Variants in LYRM4 observed in about 807,000 individuals in gnomAD.
LYRM4 encodes LYR motif-containing protein 4.
Under a neutral mutation model 11.7 loss-of-function variants are expected in LYRM4, and 9 were observed. The ratio of observed to expected loss-of-function variants is 0.77; its 90% CI spans 0.46 to 1.34. LYRM4 has a LOEUF of 1.34. Among genes scored for constraint, LYRM4 ranks in the 40% most tolerant of loss-of-function variants. LYRM4 has a pLI of 0.00. For missense variants in LYRM4, 133 were observed against 112.5 expected (o/e 1.18, Z -0.82); for synonymous variants, 42 against 40.4 (o/e 1.04, Z -0.15).
intron 2 of LYRM4, among the ~76,000 whole-genome samples, chr6:5,160,657 C>A (rs552672991): frequency 2.0e-5 from 3 of 151,952 alleles, no homozygotes; most frequent in East Asian, 1.9e-4. Context: ...ATGAGACCCC[C>A]CCCCCAGCAA....
At position 5,248,259 on chromosome 6, in the gene LYRM4, A is replaced by T. The variant is rs78121761; in HGVS notation, c.86+12389T>A. Among the ~76,000 whole-genome samples the T allele has an allele frequency of 2.6e-3, 401 of 152,384 alleles. 1 individual carries two copies. Among genetic ancestry groups the T allele is most frequent in the African/African-American group, 9.1e-3 (380 of 41,592 alleles). ...CTGTTTATCAACATACCTCAAAGCC[A>T]GTCCCCTTCTCCCTGTGCTGTCACA... On this transcript the variant is annotated intron_variant, in intron 1 of 2. Coordinates refer to ENST00000330636, the MANE Select transcript of LYRM4 (RefSeq NM_020408.6).
At chr6:5,044,429 C>T in the LYRM4 span, among the ~76,000 whole-genome samples, 1 of 152,188 alleles carries the variant, frequency 6.6e-6, no homozygotes, top group Non-Finnish European at 1.5e-5. Flanking sequence ...CCATGCCCGG[C>T]TGACACACTG....
the LYRM4 span, among the ~76,000 whole-genome samples, chr6:5,079,072 C>T: frequency 1.3e-4 from 20 of 152,142 alleles, no homozygotes; most frequent in Admixed American, 1.1e-3. Flanking sequence ...GAAAAGCACA[C>T]AAATTTTACT....
chr6:5,034,674 C>T, the LYRM4 span: 1 of 154,492 alleles, frequency 6.5e-6, no homozygotes, highest in Non-Finnish European at 1.4e-5. Context: ...ACCATGCTTC[C>T]TGTACAGCCT....
At chr6:5,250,945 C>G (rs1262184489) in intron 1 of LYRM4, among the ~76,000 whole-genome samples, 1 of 152,152 alleles carries the variant, frequency 6.6e-6, no homozygotes, top group Non-Finnish European at 1.5e-5. Flanking sequence ...TTCTGTAATA[C>G]GATATATGAC....
chr6:5,095,941 C>A, the LYRM4 span, among the ~76,000 whole-genome samples: 1 of 152,152 alleles, frequency 6.6e-6, no homozygotes, highest in South Asian at 2.1e-4. Context: ...GATCGCACAA[C>A]TGCACTACAG....
the LYRM4 span, among the ~76,000 whole-genome samples, chr6:5,094,418 A>T: frequency 6.6e-6 from 1 of 152,238 alleles, no homozygotes; most frequent in African/African-American, 2.4e-5. Flanking sequence ...AAGGACTTTG[A>T]GGCTGCAGTG....
chr6:5,141,105 A>G (rs917261094), intron 2 of LYRM4, among the ~76,000 whole-genome samples: 1 of 152,252 alleles, frequency 6.6e-6, no homozygotes, highest in Admixed American at 6.5e-5. Context: ...ACAAAAGTTG[A>G]GCATTTATCA....
the LYRM4 span, among the ~76,000 whole-genome samples, chr6:5,074,986 T>G: frequency 6.6e-6 from 1 of 152,140 alleles, no homozygotes; most frequent in Non-Finnish European, 1.5e-5. Context: ...GTCCTCCCAA[T>G]AGGGAGTGAA....
intron 1 of LYRM4, among the ~76,000 whole-genome samples, chr6:5,223,809 T>C (rs1401316423): frequency 1.3e-5 from 2 of 152,208 alleles, no homozygotes; most frequent in African/African-American, 2.4e-5. Flanking sequence ...GAAATTACCA[T>C]GAGAAAATCC....
intron 1 of LYRM4, among the ~76,000 whole-genome samples, chr6:5,246,491 A>C (rs1303239341): frequency 6.6e-6 from 1 of 152,184 alleles, no homozygotes; most frequent in African/African-American, 2.4e-5. Flanking sequence ...TACCACATTT[A>C]TCCTAGTGCC....
chr6:5,151,499 C>T (rs887448802), intron 2 of LYRM4, among the ~76,000 whole-genome samples: 1 of 152,178 alleles, frequency 6.6e-6, no homozygotes, highest in African/African-American at 2.4e-5. Context: ...CCCAGTCACA[C>T]GTGCCAATTC....
the LYRM4 span, chr6:5,066,852 A>C: frequency 1.3e-4 from 106 of 841,164 alleles, 1 homozygote; most frequent in African/African-American, 1.7e-3. Context: ...GGAGTCAGAC[A>C]GGCCACGGCG....
At chr6:5,120,415 T>C (rs1368042125) in intron 2 of LYRM4, among the ~76,000 whole-genome samples, 2 of 152,188 alleles carry the variant, frequency 1.3e-5, no homozygotes, top group East Asian at 3.8e-4. Context: ...GTTCGTGGTC[T>C]CTCTGACTTC....
In LYRM4 at chr6:5,180,756, C is replaced by G. The variant is rs535577005; in HGVS notation, c.207+35862G>C. Among the ~76,000 whole-genome samples, 3 of 152,330 alleles carry G rather than the reference C, an allele frequency of 2.0e-5. No homozygotes were observed. The East Asian group carries it at 5.8e-4, about 29-fold the overall frequency. ...TGGATACCCTTGCTTCACCTAACTT[C>G]TATTGCTGCATTCTCCTTGCCAATC... On this transcript the variant is annotated intron_variant, in intron 2 of 2. Transcript: ENST00000330636.
chr6:5,057,473 T>G, the LYRM4 span, among the ~76,000 whole-genome samples: 1 of 152,052 alleles, frequency 6.6e-6, no homozygotes, highest in Non-Finnish European at 1.5e-5. Context: ...TCCCAGCACT[T>G]TAGAAGGCCA....
chr6:5,251,020 C>G (rs910215679), intron 1 of LYRM4, among the ~76,000 whole-genome samples: 2 of 152,216 alleles, frequency 1.3e-5, no homozygotes, highest in South Asian at 2.1e-4. Flanking sequence ...CTCCACTGTT[C>G]GGGCACTATT....
the LYRM4 span, among the ~76,000 whole-genome samples, chr6:5,079,588 A>C: frequency 3.9e-5 from 6 of 152,236 alleles, no homozygotes; most frequent in African/African-American, 1.4e-4. Flanking sequence ...GACTTGGTGG[A>C]TGTGAAGAGA....
chr6:5,040,549 AAAG>A, the LYRM4 span, among the ~76,000 whole-genome samples: 1 of 151,764 alleles, frequency 6.6e-6, no homozygotes, highest in Non-Finnish European at 1.5e-5. Context: ...AAGAAAAAAA[AAAG>A]AAGAAATAAG....
Sources: gnomAD v4.1 joint callset for allele counts (sites outside exome capture counted in the v4.1 genomes callset) on GRCh38, gnomAD v4.1.1 for gene constraint, MANE v1.5 for transcripts, NCBI Gene and HGNC (gene_info 2026-07-23, HGNC 2026-07-21) for gene names.